Variants in SLC16A4 observed in about 807,000 individuals in gnomAD.
The protein encoded by SLC16A4 is solute carrier family 16 member 4.
SLC16A4 carries 39 observed loss-of-function variants against 47.9 expected under a neutral mutation model. That is an observed-to-expected ratio of 0.81 (90% CI 0.63 to 1.06). The LOEUF is 1.06. Ranked by LOEUF, SLC16A4 falls within the 50% of genes least tolerant of loss-of-function variation. SLC16A4 has a pLI of 0.00. For synonymous variants in SLC16A4, 189 were observed against 199.9 expected (o/e 0.95, Z 0.46); for missense variants, 524 against 573.8 (o/e 0.91, Z 0.89).
At chr1:110,380,751 C>G (rs1359652700) in intron 5 of SLC16A4, among the ~76,000 whole-genome samples, 2 of 152,264 alleles carry the variant, frequency 1.3e-5, no homozygotes, top group East Asian at 1.9e-4. Flanking sequence ...ATGGTGAATT[C>G]TGAGTTGCTT....
At chr1:110,366,787 C>A (rs1361126211) in intron 8 of SLC16A4, among the ~76,000 whole-genome samples, 1 of 152,090 alleles carries the variant, frequency 6.6e-6, no homozygotes, top group Non-Finnish European at 1.5e-5. Context: ...TATTTTCTTA[C>A]CAGGGCGGGG....
chr1:110,388,510 T>A (rs1473106137), intron 2 of SLC16A4, among the ~76,000 whole-genome samples: 1 of 152,146 alleles, frequency 6.6e-6, no homozygotes, highest in African/African-American at 2.4e-5. Context: ...GTGCCCACAG[T>A]GTTCTATCTA....
chr1:110,368,265 C>T (rs1167345832), intron 8 of SLC16A4, among the ~76,000 whole-genome samples: 1 of 152,182 alleles, frequency 6.6e-6, no homozygotes, highest in Non-Finnish European at 1.5e-5. Context: ...GCATTGTGAA[C>T]GTCAGAGAAA....
chr1:110,381,221 C>T (rs763790976), intron 4 of SLC16A4, 78 bp from the exon 5 acceptor site: 135 of 1,355,780 alleles, frequency 1.0e-4, no homozygotes, highest in Non-Finnish European at 1.4e-4. Context: ...CTCCTGGATC[C>T]GAGATAATAC....
At position 110,378,904 on chromosome 1, in the gene SLC16A4, T is replaced by C. The variant is rs1662179675; in HGVS notation, c.979A>G (p.Lys327Glu). ...IPTFHLVARA[K>E]TLGIDIMDAS... ...TCCATGATGTCAATCCCCAGTGTTT[T>C]GGCTCTGGCTACCAGGTGAAAGGTA... Residue 327 changes from lysine to glutamate, a missense_variant, in exon 6 of 9, where the codon AAA becomes GAA. Lys to Glu is a moderately conservative substitution (Grantham distance 56). Transcript: ENST00000369779. The C allele has an allele frequency of 1.2e-6, 2 of 1,614,170 alleles. No homozygotes were observed. Among genetic ancestry groups the C allele is most frequent in the African/African-American group, 1.3e-5 (1 of 75,052 alleles).
intron 2 of SLC16A4, among the ~76,000 whole-genome samples, chr1:110,383,826 T>G (rs866898018): frequency 1.0e-3 from 148 of 147,342 alleles, no homozygotes; most frequent in East Asian, 3.0e-3. Flanking sequence ...TTTTTTTTTT[T>G]TTTTTTGGAA....
intron 3 of SLC16A4, among the ~76,000 whole-genome samples, chr1:110,382,136 C>T (rs1434512003): frequency 6.6e-6 from 1 of 152,156 alleles, no homozygotes; most frequent in Non-Finnish European, 1.5e-5. Context: ...CACCCTGTTA[C>T]AGCTCCAAAT....
chr1:110,386,247 G>T (rs1050084803), intron 2 of SLC16A4, among the ~76,000 whole-genome samples: 1 of 152,174 alleles, frequency 6.6e-6, no homozygotes, highest in African/African-American at 2.4e-5. Flanking sequence ...CAGAGCCTTT[G>T]CACCTACCAT....
chr1:110,368,840 T>G (rs1661536851), intron 8 of SLC16A4, among the ~76,000 whole-genome samples: 2 of 127,170 alleles, frequency 1.6e-5, no homozygotes. Flanking sequence ...TTCCACATTA[T>G]TTTATGTGTT....
intron 2 of SLC16A4, among the ~76,000 whole-genome samples, chr1:110,385,144 G>C (rs894948503): frequency 6.6e-6 from 1 of 152,108 alleles, no homozygotes; most frequent in Non-Finnish European, 1.5e-5. Context: ...TACTCTCAAG[G>C]TTTTAATTAC....
Position 110,380,999 on chromosome 1 carries a change from T to A in SLC16A4, c.509A>T (p.Asp170Val), listed in dbSNP as rs545257111. ...LLAPFTKFLI[D>V]LYDWTGALIL... ...TGACGTACCTGTCCAGTCATACAGA[T>A]CTATCAGGAATTTTGTAAAGGGTGC... is the stretch of plus-strand genomic sequence containing the variant. The change falls in exon 5 of 9, where the codon GAT (aspartate) becomes GTT (valine). Residue 170 changes from aspartate (D) to valine (V), a missense_variant. Transcript: ENST00000369779. The A allele has an allele frequency of 8.7e-6, 14 of 1,614,056 alleles. 1 individual carries two copies. The South Asian group carries it at 1.3e-4, about 15-fold the overall frequency.
chr1:110,364,762 C>T (rs969482645), intron 8 of SLC16A4, among the ~76,000 whole-genome samples: 12 of 152,084 alleles, frequency 7.9e-5, no homozygotes, highest in African/African-American at 1.4e-4. Context: ...CCGCCTACCT[C>T]GGCCTCCCAA....
chr1:110,375,377 T>C, intron 8 of SLC16A4, 81 bp downstream of exon 8: 4 of 817,812 alleles, frequency 4.9e-6, no homozygotes, highest in Non-Finnish European at 8.6e-6. Context: ...GATACCATCA[T>C]TACATGTTAC....
chr1:110,368,388 G>T (rs1437100155), intron 8 of SLC16A4, among the ~76,000 whole-genome samples: 1 of 152,196 alleles, frequency 6.6e-6, no homozygotes, highest in African/African-American at 2.4e-5. Context: ...ACTGGCAGCT[G>T]ATGCAGAATT....
chr1:110,371,315 G>C (rs1661674249), intron 8 of SLC16A4: 1 of 152,134 alleles, frequency 6.6e-6, no homozygotes, highest in Admixed American at 6.5e-5. Flanking sequence ...GTGGGGAACT[G>C]CATTCAGTTT....
chr1:110,369,169 G>A (rs1431299450), intron 8 of SLC16A4, among the ~76,000 whole-genome samples: 2 of 151,892 alleles, frequency 1.3e-5, no homozygotes, highest in East Asian at 1.9e-4. Context: ...TGGTCAAGCT[G>A]GTCTTGAACT....
At chr1:110,372,292 C>T (rs1357573401) in intron 8 of SLC16A4, 1 of 152,044 alleles carries the variant, frequency 6.6e-6, no homozygotes, top group Non-Finnish European at 1.5e-5. Context: ...ATTAAAAATG[C>T]CTATACTCTT....
chr1:110,384,596 G>C (rs1299746720), intron 2 of SLC16A4, among the ~76,000 whole-genome samples: 1 of 152,184 alleles, frequency 6.6e-6, no homozygotes, highest in African/African-American at 2.4e-5. Flanking sequence ...GTCTAGAGGG[G>C]AACCTAGCCA....
Position 110,375,503 on chromosome 1 carries a change from T to C in SLC16A4, c.1291A>G (p.Ser431Gly), listed in dbSNP as rs368230113. The change falls in exon 8 of 9, where the codon AGT (serine) becomes GGT (glycine). Residue 431 changes from serine (S) to glycine (G), a missense_variant. By Grantham distance (56) the Ser-to-Gly change is moderately conservative. Coordinates refer to ENST00000369779, the MANE Select transcript of SLC16A4 (RefSeq NM_004696.3). The part of the protein sequence containing the change: ...STVNRFLGLA[S>G]FFAGMAVLSG... The stretch of plus-strand genomic sequence containing the variant: ...AGGACAGCCATCCCAGCAAAGAAAC[T>C]GGCAAGTCCCAAAAACCTGTTTACT... 22 of 1,613,384 alleles carry C rather than the reference T, an allele frequency of 1.4e-5. No individual in the cohort carries two copies. The highest frequency in any genetic ancestry group is 1.3e-5 in the Non-Finnish European group (15 of 1,179,422).
Sources: gnomAD v4.1 joint callset for allele counts (sites outside exome capture counted in the v4.1 genomes callset) on GRCh38, gnomAD v4.1.1 for gene constraint, MANE v1.5 for transcripts, NCBI Gene and HGNC (gene_info 2026-07-23, HGNC 2026-07-21) for gene names.